The following PTCHD4 variants were observed in gnomAD, a reference collection of about 807,000 sequenced individuals.
The protein encoded by PTCHD4 is patched domain containing 4, also known as patched domain-containing protein 4.
Under a neutral mutation model 58.1 loss-of-function variants are expected in PTCHD4, and 33 were observed. That is an observed-to-expected ratio of 0.57 (90% CI 0.43 to 0.76). The LOEUF is 0.76. PTCHD4 is among the 30% of genes least tolerant of loss of function. PTCHD4 has a pLI of 0.00. For synonymous variants in PTCHD4, 478 were observed against 409.6 expected, an observed-to-expected ratio of 1.17 and a Z score of -2.02; for missense variants, 1,058 against 1,027.1, an observed-to-expected ratio of 1.03 and a Z score of -0.41.
rs57323341 is a variant in PTCHD4, at chr6:47,864,315, T to TAC, written c.*13986_*13987dup. ...GCCCATTATTTTTGAGATATATATA[T>TAC]ACACACACACACACATATATATATA... On this transcript the variant is annotated 3_prime_UTR_variant, in exon 5 of 5. Coordinates refer to ENST00000339488, the MANE Select transcript of PTCHD4 (RefSeq NM_001384253.1). 6.7e-5 allele frequency among the ~76,000 whole-genome samples: 10 copies of TAC among 148,786 alleles called. No individual in the cohort carries two copies. The highest frequency in any genetic ancestry group is 8.9e-5 in the Non-Finnish European group (6 of 67,052).
chr6:48,004,597 C>T (rs552743400), intron 4 of PTCHD4, among the ~76,000 whole-genome samples: 1 of 152,262 alleles, frequency 6.6e-6, no homozygotes, highest in South Asian at 2.1e-4. Flanking sequence ...TAGGCTAGCA[C>T]TAAATGAGGT....
intron 3 of PTCHD4, among the ~76,000 whole-genome samples, chr6:48,025,464 C>A (rs2753196): frequency 0.58 from 88,088 of 152,096 alleles, 25,671 homozygotes; most frequent in East Asian, 0.73. Context: ...TATTGCAACA[C>A]AGATTAATTT....
chr6:48,085,480 T>C (rs1413130486), intron 1 of PTCHD4, among the ~76,000 whole-genome samples: 1 of 152,208 alleles, frequency 6.6e-6, no homozygotes, highest in African/African-American at 2.4e-5. Context: ...ATTGATAACA[T>C]GAGTTGATCA....
At position 48,102,581 on chromosome 6, in the gene PTCHD4, G is replaced by T. The variant is rs564472324; in HGVS notation, c.-970+8468C>A. Among the ~76,000 whole-genome samples, 15 of 152,306 alleles carry T rather than the reference G, an allele frequency of 9.8e-5. No homozygotes were observed. In the East Asian group the frequency reaches 1.2e-3, roughly 12 times the overall value. On this transcript the variant is annotated intron_variant, in intron 1 of 4. Coordinates refer to ENST00000339488, the MANE Select transcript of PTCHD4 (RefSeq NM_001384253.1). ...TCTGCATTTCCAACTGAGGTACCGG[G>T]TTCATCTCACAGGGGAGTGCCGGAC...
At chr6:48,051,353 C>G (rs1209233886) in intron 3 of PTCHD4, among the ~76,000 whole-genome samples, 1 of 151,942 alleles carries the variant, frequency 6.6e-6, no homozygotes, top group Admixed American at 6.6e-5. Context: ...GCTATAGTTA[C>G]TTCATAATTT....
chr6:47,972,013 A>G (rs1056112008), intron 4 of PTCHD4, among the ~76,000 whole-genome samples: 3 of 152,250 alleles, frequency 2.0e-5, no homozygotes, highest in African/African-American at 7.2e-5. Flanking sequence ...TGAGTAGGAA[A>G]GAAATGTAAT....
At chr6:47,900,255 T>G (rs943541006) in intron 4 of PTCHD4, 2 of 152,218 alleles carry the variant, frequency 1.3e-5, no homozygotes, top group African/African-American at 4.8e-5. Context: ...CAGCAATGTG[T>G]AAAGAGTTCC....
chr6:48,018,207 C>A (rs904364825), intron 3 of PTCHD4, among the ~76,000 whole-genome samples: 1 of 152,170 alleles, frequency 6.6e-6, no homozygotes, highest in African/African-American at 2.4e-5. Flanking sequence ...GTTTCAAGTT[C>A]CATTTCTGCT....
chr6:48,063,600 C>G (rs1468272520), intron 3 of PTCHD4, among the ~76,000 whole-genome samples: 1 of 152,134 alleles, frequency 6.6e-6, no homozygotes, highest in East Asian at 1.9e-4. Context: ...ACCTCCTGGT[C>G]TTCAGTTTTC....
intron 1 of PTCHD4, among the ~76,000 whole-genome samples, chr6:48,079,513 G>A (rs1013250764): frequency 2.6e-5 from 4 of 151,788 alleles, no homozygotes; most frequent in African/African-American, 9.7e-5. Context: ...GAAGAGTACA[G>A]TATTCCCTAC....
chr6:48,058,781 C>T (rs1195774805), intron 3 of PTCHD4, among the ~76,000 whole-genome samples: 2 of 152,170 alleles, frequency 1.3e-5, no homozygotes, highest in Non-Finnish European at 2.9e-5. Context: ...TCCTTTGCTA[C>T]TTTTAACTGT....
chr6:48,057,275 G>T (rs1764445323), intron 3 of PTCHD4, among the ~76,000 whole-genome samples: 1 of 150,092 alleles, frequency 6.7e-6, no homozygotes, highest in African/African-American at 2.5e-5. Context: ...GGCTTTCAAT[G>T]TCTTTCTGTA....
chr6:47,943,158 A>T (rs925867901), intron 4 of PTCHD4, among the ~76,000 whole-genome samples: 1 of 152,158 alleles, frequency 6.6e-6, no homozygotes, highest in Admixed American at 6.6e-5. Flanking sequence ...GCACTGAGAA[A>T]ATTTATTTTT....
Position 48,008,821 on chromosome 6 carries a change from G to T in PTCHD4, c.711C>A (p.Ser237Arg). 1.2e-6 allele frequency: 2 copies of T among 1,613,998 alleles called. No homozygotes were observed. The highest frequency in any genetic ancestry group is 1.1e-5 in the South Asian group (1 of 91,076). Residue 237 changes from serine to arginine, a missense_variant, in exon 4 of 5, where the codon AGC (serine) becomes AGA (arginine). By Grantham distance (110) the Ser-to-Arg change is moderately radical. Transcript: ENST00000339488. ...TGGCTGTGGTCAGGATCAGCACGAG[G>T]CTCACCAGGACCTTGCTTCTGGCCA... ...SILARSKVLVSLVLILTTATL... is the reference protein window; with the variant it reads ...SILARSKVLVRLVLILTTATL...
At position 47,872,915 on chromosome 6, in the gene PTCHD4, A is replaced by G. The variant is rs1225522313; in HGVS notation, c.*5388T>C. On this transcript the variant is annotated 3_prime_UTR_variant, in exon 5 of 5. Coordinates refer to ENST00000339488, the MANE Select transcript of PTCHD4 (RefSeq NM_001384253.1). ...AAAAGCAAGTGGCTTCTCTATCAGC[A>G]ATAGAGAGTCCTCATTAAGTATGAA... Among the ~76,000 whole-genome samples, 2 of 151,696 alleles carry G rather than the reference A, an allele frequency of 1.3e-5. No homozygotes were observed. The highest frequency in any genetic ancestry group is 3.0e-5 in the Non-Finnish European group (2 of 67,760).
At chr6:48,063,070 C>A (rs1175403304) in intron 3 of PTCHD4, among the ~76,000 whole-genome samples, 1 of 152,112 alleles carries the variant, frequency 6.6e-6, no homozygotes, top group Non-Finnish European at 1.5e-5. Context: ...TTGTGCTATC[C>A]CATAAATTTT....
intron 4 of PTCHD4, among the ~76,000 whole-genome samples, chr6:48,002,195 C>T (rs191623363): frequency 5.8e-4 from 89 of 152,278 alleles, no homozygotes; most frequent in Middle Eastern, 3.4e-3. Flanking sequence ...TTGTGGAAGT[C>T]GGTGTGGCGA....
At chr6:47,961,007 A>G (rs1767068283) in intron 4 of PTCHD4, among the ~76,000 whole-genome samples, 1 of 150,532 alleles carries the variant, frequency 6.6e-6, no homozygotes, top group African/African-American at 2.4e-5. Flanking sequence ...TCTGTTGCCC[A>G]GGCTGGAGTG....
chr6:48,079,915 T>C (rs766498576), intron 1 of PTCHD4, among the ~76,000 whole-genome samples: 5 of 151,308 alleles, frequency 3.3e-5, no homozygotes, highest in Admixed American at 1.3e-4. Context: ...TTTGGGATTA[T>C]TATAGGAAAG....
Sources: allele counts gnomAD v4.1 joint callset (sites outside exome capture counted in the v4.1 genomes callset), GRCh38; gene constraint gnomAD v4.1.1; transcripts MANE v1.5; gene names NCBI Gene and HGNC (gene_info 2026-07-23, HGNC 2026-07-21).